MED12L: variants seen among roughly 807,000 people sequenced by gnomAD.
The protein encoded by MED12L is mediator complex subunit 12L.
In MED12L, 60 loss-of-function variants were observed where a neutral mutation model predicts 281.3. The ratio of observed to expected loss-of-function variants is 0.21; its 90% CI spans 0.17 to 0.26. The LOEUF (loss-of-function observed/expected upper bound fraction) is 0.26, where lower values mean the gene tolerates loss of function less well. Among genes scored for constraint, MED12L ranks in the 10% least tolerant of loss-of-function variants. The pLI is 1.00. For missense variants in MED12L, 2,146 were observed against 2,680.9 expected, an observed-to-expected ratio of 0.80 and a Z score of 4.41; for synonymous variants, 974 against 987.2, an observed-to-expected ratio of 0.99 and a Z score of 0.25.
chr3:151,172,503 A>G (rs1032545897), intron 11 of MED12L, among the ~76,000 whole-genome samples: 1 of 152,248 alleles, frequency 6.6e-6, no homozygotes, highest in Non-Finnish European at 1.5e-5. Context: ...TCTACTAATC[A>G]TAAGGCACAG....
chr3:151,112,548 T>C (rs1269882622), intron 2 of MED12L, among the ~76,000 whole-genome samples: 1 of 152,212 alleles, frequency 6.6e-6, no homozygotes, highest in African/African-American at 2.4e-5. Context: ...GACCACACTT[T>C]CAGTTGTGAG....
chr3:151,245,626 A>G (rs1735264567), intron 16 of MED12L, among the ~76,000 whole-genome samples: 1 of 149,300 alleles, frequency 6.7e-6, no homozygotes, highest in African/African-American at 2.5e-5. Context: ...ATTTCAAAAT[A>G]ATAAGAGCTA....
rs1179798216 is a variant in MED12L at position 151,368,539 on chromosome 3, G to A, written c.3550+288G>A. Among the ~76,000 whole-genome samples, 3 of 151,822 alleles carry A rather than the reference G, an allele frequency of 2.0e-5. No individual in the cohort carries two copies. Among genetic ancestry groups the A allele is most frequent in the Admixed American group, 6.6e-5 (1 of 15,248 alleles). On this transcript the variant is annotated intron_variant, in intron 25 of 44. Transcript: ENST00000687756. ...GGGCAGCATGGTCCTCTCACGTACT[G>A]TGTGTGTTGGTTCTGAACCACATCA...
chr3:151,337,184 T>C (rs1202726185), intron 16 of MED12L: 1 of 150,768 alleles, frequency 6.6e-6, no homozygotes, highest in African/African-American at 2.4e-5. Flanking sequence ...ATTTCTTCTC[T>C]TTATTGTAAA....
chr3:151,237,622 A>T (rs1733185668), intron 16 of MED12L, among the ~76,000 whole-genome samples: 1 of 152,052 alleles, frequency 6.6e-6, no homozygotes, highest in Non-Finnish European at 1.5e-5. Flanking sequence ...AAGTGCTGGG[A>T]TTACAGGTGT....
intron 16 of MED12L, among the ~76,000 whole-genome samples, chr3:151,272,919 G>A (rs1160129136): frequency 6.6e-6 from 1 of 152,154 alleles, no homozygotes; most frequent in African/African-American, 2.4e-5. Flanking sequence ...TACAAGTTGA[G>A]TATCCCTAAT....
chr3:151,324,290 G>A (rs1343380017), intron 16 of MED12L, among the ~76,000 whole-genome samples: 3 of 152,180 alleles, frequency 2.0e-5, no homozygotes, highest in Admixed American at 2.0e-4. Context: ...TGAGCTGCTT[G>A]GGTAAGGTCC....
intron 11 of MED12L, among the ~76,000 whole-genome samples, chr3:151,166,189 T>C (rs544756479): frequency 2.0e-5 from 3 of 152,314 alleles, no homozygotes; most frequent in African/African-American, 7.2e-5. Flanking sequence ...CCTAGGAATA[T>C]TGATATATTG....
At chr3:151,309,757 A>G (rs1747236965) in intron 16 of MED12L, among the ~76,000 whole-genome samples, 1 of 152,182 alleles carries the variant, frequency 6.6e-6, no homozygotes, top group East Asian at 1.9e-4. Flanking sequence ...TTTTATCTCC[A>G]GGGTCTAGCA....
chr3:151,350,801 C>T (rs976279071), intron 17 of MED12L, among the ~76,000 whole-genome samples: 4 of 152,120 alleles, frequency 2.6e-5, no homozygotes, highest in African/African-American at 9.7e-5. Context: ...ATGCTCTTTC[C>T]TCATCCTTTT....
intron 14 of MED12L, among the ~76,000 whole-genome samples, chr3:151,191,782 T>C (rs1040771324): frequency 2.6e-5 from 4 of 152,146 alleles, no homozygotes; most frequent in Non-Finnish European, 5.9e-5. Flanking sequence ...GGCACATGCC[T>C]GTAGTCCCAG....
At chr3:151,166,506 G>A (rs573378567) in intron 11 of MED12L, among the ~76,000 whole-genome samples, 3 of 151,950 alleles carry the variant, frequency 2.0e-5, no homozygotes, top group Non-Finnish European at 2.9e-5. Context: ...GAGAGAAAGG[G>A]GGGGAGAAAA....
At chr3:151,181,911 G>A (rs1017597501) in intron 11 of MED12L, among the ~76,000 whole-genome samples, 12 of 152,040 alleles carry the variant, frequency 7.9e-5, no homozygotes, top group Non-Finnish European at 2.9e-5. Flanking sequence ...ATTTCTGGCA[G>A]TCTTAAAGGA....
At chr3:151,247,050 A>C (rs1477938130) in intron 16 of MED12L, among the ~76,000 whole-genome samples, 2 of 152,236 alleles carry the variant, frequency 1.3e-5, no homozygotes, top group Admixed American at 1.3e-4. Flanking sequence ...ATGCAAACCA[A>C]AACCACAAGA....
At chr3:151,334,646 C>A (rs562719932) in intron 16 of MED12L, among the ~76,000 whole-genome samples, 9 of 151,982 alleles carry the variant, frequency 5.9e-5, no homozygotes, top group Non-Finnish European at 1.3e-4. Context: ...ACTACAGGTG[C>A]CCACCACCAC....
At chr3:151,198,616 G>A (rs566034239) in intron 16 of MED12L, 1 of 1,613,836 alleles carries the variant, frequency 6.2e-7, no homozygotes, top group Admixed American at 1.7e-5. Flanking sequence ...TCCTGGTTGA[G>A]CAATCAGTTA....
intron 5 of MED12L, among the ~76,000 whole-genome samples, chr3:151,131,353 C>T (rs1168735648): frequency 6.6e-6 from 1 of 152,158 alleles, no homozygotes; most frequent in Non-Finnish European, 1.5e-5. Flanking sequence ...ATAATCCCAC[C>T]ACTTTGGGAG....
chr3:151,204,882 C>A (rs985592534), intron 16 of MED12L, among the ~76,000 whole-genome samples: 1 of 152,280 alleles, frequency 6.6e-6, no homozygotes, highest in Middle Eastern at 3.4e-3. Context: ...TTGAAAAGTA[C>A]AAACAATTGT....
intron 10 of MED12L, 95 bp from the exon 11 acceptor site, chr3:151,165,751 A>T: frequency 7.5e-7 from 1 of 1,340,176 alleles, no homozygotes; most frequent in Non-Finnish European, 1.0e-6. Flanking sequence ...ATTAAAAAAA[A>T]ATTCTTTTGC....
Sources: gnomAD v4.1 joint callset for allele counts (sites outside exome capture counted in the v4.1 genomes callset) on GRCh38, gnomAD v4.1.1 for gene constraint, MANE v1.5 for transcripts, NCBI Gene and HGNC (gene_info 2026-07-23, HGNC 2026-07-21) for gene names.